Variants in ADAMTS18 observed in about 807,000 individuals in gnomAD.
ADAMTS18 encodes A disintegrin and metalloproteinase with thrombospondin motifs 18.
Under a neutral mutation model 165.9 loss-of-function variants are expected in ADAMTS18, and 157 were observed. The ratio of observed to expected loss-of-function variants is 0.95; its 90% confidence interval spans 0.83 to 1.08. The LOEUF (loss-of-function observed/expected upper bound fraction) is 1.08, where lower values mean the gene tolerates loss of function less well. ADAMTS18 is among the 50% of genes least tolerant of loss of function. The pLI, the probability that ADAMTS18 is intolerant of heterozygous loss-of-function variation, is 0.00. For synonymous variants in ADAMTS18, 782 were observed against 578.2 expected (o/e 1.35, Z -5.06); for missense variants, 2,040 against 1,534.0 (o/e 1.33, Z -5.51).
chr16:77,351,010 C>T (rs2056548067), intron 10 of ADAMTS18, among the ~76,000 whole-genome samples: 1 of 152,058 alleles, frequency 6.6e-6, no homozygotes, highest in African/African-American at 2.4e-5. Context: ...CAAACTTCAC[C>T]TCTTTCCTGC....
At chr16:77,314,466 G>T (rs1214056676) in intron 16 of ADAMTS18, among the ~76,000 whole-genome samples, 2 of 151,234 alleles carry the variant, frequency 1.3e-5, no homozygotes, top group Non-Finnish European at 2.9e-5. Context: ...TACAAAATTA[G>T]CTGGGCATGG....
chr16:77,433,140 A>G (rs1456054955), intron 2 of ADAMTS18, among the ~76,000 whole-genome samples: 1 of 152,172 alleles, frequency 6.6e-6, no homozygotes, highest in Non-Finnish European at 1.5e-5. Context: ...GCTCTTGATT[A>G]TGTGCAATTT....
intron 12 of ADAMTS18, among the ~76,000 whole-genome samples, chr16:77,334,155 TATAC>T (rs2056243228): frequency 1.0e-5 from 1 of 97,868 alleles, no homozygotes; most frequent in East Asian, 3.2e-4. Flanking sequence ...TTATATATAA[TATAC>T]AGTGTTATAT....
intron 11 of ADAMTS18, among the ~76,000 whole-genome samples, chr16:77,336,632 C>T (rs1416506542): frequency 2.6e-5 from 4 of 152,118 alleles, no homozygotes; most frequent in African/African-American, 9.7e-5. Flanking sequence ...TTTCATTTGC[C>T]CATGATCTGT....
intron 22 of ADAMTS18, among the ~76,000 whole-genome samples, chr16:77,285,712 CTGTGAGTCAGGTA>C (rs1258994034): frequency 6.6e-6 from 1 of 152,160 alleles, no homozygotes; most frequent in Admixed American, 6.5e-5. Context: ...TGAGCTTCTA[CTGTGAGTCAGGTA>C]TTTCATTTAC....
intron 8 of ADAMTS18, among the ~76,000 whole-genome samples, chr16:77,357,976 A>G (rs966037246): frequency 3.9e-5 from 6 of 152,232 alleles, no homozygotes; most frequent in African/African-American, 4.8e-5. Flanking sequence ...AAATTTTTCA[A>G]TGACCAGTAT....
At position 77,410,125 on chromosome 16, in the gene ADAMTS18, A is replaced by C. The variant is rs193217418; in HGVS notation, c.495+21170T>G. Among the ~76,000 whole-genome samples the C allele has an allele frequency of 2.7e-3, 408 of 152,302 alleles. 2 individuals carry two copies. Among genetic ancestry groups the C allele is most frequent in the African/African-American group, 9.3e-3 (388 of 41,570 alleles). ...CACATTTTATAACATGGCTCAGTGC[A>C]CAAACACACTACAAAGTTTTACGAA... On this transcript the variant is annotated intron_variant, in intron 3 of 22. Transcript: ENST00000282849.
At chr16:77,285,449 A>C (rs1477240114) in intron 22 of ADAMTS18, among the ~76,000 whole-genome samples, 1 of 146,782 alleles carries the variant, frequency 6.8e-6, no homozygotes, top group African/African-American at 2.6e-5. Context: ...CTGGAATTAC[A>C]GGTGTGAGGC....
rs897123532 is a variant in ADAMTS18, at chr16:77,319,052, A to AT, written c.2532+796dup. On this transcript the variant is annotated intron_variant, in intron 16 of 22. Transcript: ENST00000282849. ...AGATATGTTGGTTCTTTTAATTATC[A>AT]TTTTTTTTACCTTTTTTCCCTTTTC... 6.4e-4 allele frequency among the ~76,000 whole-genome samples: 97 copies of AT among 152,030 alleles called. 1 individual carries two copies. The highest frequency in any genetic ancestry group is 1.2e-3 in the Admixed American group (18 of 15,248).
intron 3 of ADAMTS18, among the ~76,000 whole-genome samples, chr16:77,425,634 G>A (rs1023199084): frequency 1.3e-5 from 2 of 152,148 alleles, no homozygotes; most frequent in Non-Finnish European, 2.9e-5. Context: ...TTTCCCCAAC[G>A]GGAACACATG....
chr16:77,376,809 C>CT (rs549942617), intron 3 of ADAMTS18, among the ~76,000 whole-genome samples: 32,104 of 103,170 alleles, frequency 0.31, 6,066 homozygotes, highest in Non-Finnish European at 0.41. Context: ...CTAAATCATT[C>CT]TTTTTTTTTT....
At chr16:77,301,389 A>G (rs1441573010) in intron 16 of ADAMTS18, among the ~76,000 whole-genome samples, 1 of 152,184 alleles carries the variant, frequency 6.6e-6, no homozygotes, top group African/African-American at 2.4e-5. Flanking sequence ...GCAATGTATC[A>G]CCTTGTTTTT....
At chr16:77,353,680 C>A in intron 10 of ADAMTS18, 53 bp downstream of exon 10, 1 of 1,612,052 alleles carries the variant, frequency 6.2e-7, no homozygotes, top group South Asian at 1.1e-5. Context: ...CTGTTAGGGA[C>A]ACAGACACAT....
In ADAMTS18 at chr16:77,434,802, C is replaced by T; in HGVS notation, c.-107G>A. ...CCGGAGCTCGGCGCCCCAGGTGCGG[C>T]TCCAGGTGAGAGCCGCCGCCGTTCA... On this transcript the variant is annotated 5_prime_UTR_variant, in exon 1 of 23. Coordinates refer to ENST00000282849, the MANE Select transcript of ADAMTS18 (RefSeq NM_199355.4). 2 of 996,152 alleles carry T rather than the reference C, an allele frequency of 2.0e-6. No individual in the cohort carries two copies. Among genetic ancestry groups the T allele is most frequent in the Non-Finnish European group, 2.6e-6 (2 of 757,968 alleles). The allele number at this position is 996,152 out of a possible 1,614,324, so 61.7% of individuals were successfully genotyped here.
rs965392094 is a variant in ADAMTS18, at chr16:77,283,810, G to T, written c.*146C>A. ...TGAGCTAGAAGCCTACTGGCAACCTGTCTGTTCCTCAGAGCAGGCTCCTTC... is the reference window on the plus strand; with the variant it reads ...TGAGCTAGAAGCCTACTGGCAACCTTTCTGTTCCTCAGAGCAGGCTCCTTC... On this transcript the variant is annotated 3_prime_UTR_variant, in exon 23 of 23. Transcript: ENST00000282849. 7.5e-6 allele frequency: 5 copies of T among 665,920 alleles called. No homozygotes were observed. The East Asian group carries it at 1.4e-4, about 18-fold the overall frequency. The allele number at this position is 665,920 out of a possible 1,614,324, so 41.3% of individuals were successfully genotyped here.
intron 3 of ADAMTS18, among the ~76,000 whole-genome samples, chr16:77,415,985 G>C (rs1179325635): frequency 1.3e-5 from 2 of 152,112 alleles, no homozygotes; most frequent in Admixed American, 1.3e-4. Flanking sequence ...CAGAGATAAA[G>C]CCTCAGCCCT....
chr16:77,321,347 G>C (rs764522287), intron 14 of ADAMTS18, 145 bp from the exon 15 acceptor site: 3 of 1,087,002 alleles, frequency 2.8e-6, no homozygotes, highest in Non-Finnish European at 4.0e-6. Flanking sequence ...CCTCAAGTTG[G>C]ACTCACTTGG....
chr16:77,326,998 C>T (rs747559822), intron 12 of ADAMTS18, among the ~76,000 whole-genome samples: 2 of 152,196 alleles, frequency 1.3e-5, no homozygotes, highest in Non-Finnish European at 2.9e-5. Context: ...ACCTCCAGCT[C>T]TATCCATCTG....
chr16:77,338,978 G>A (rs8048640), intron 11 of ADAMTS18, among the ~76,000 whole-genome samples: 2 of 149,614 alleles, frequency 1.3e-5, no homozygotes, highest in African/African-American at 2.5e-5. Context: ...AAAAGTAAGT[G>A]ACTTTCATAC....
Sources: allele counts gnomAD v4.1 joint callset (sites outside exome capture counted in the v4.1 genomes callset), GRCh38; gene constraint gnomAD v4.1.1; transcripts MANE v1.5; gene names NCBI Gene and HGNC (gene_info 2026-07-23, HGNC 2026-07-21).